Variants in SKAP1 observed in about 807,000 individuals in gnomAD.
SKAP1 encodes src kinase associated phosphoprotein 1.
A neutral mutation model predicts 58.5 loss-of-function variants in SKAP1; 44 were observed. That is an observed-to-expected ratio of 0.75 (90% CI 0.59 to 0.97). The LOEUF is 0.97. Ranked by LOEUF, SKAP1 falls within the 50% of genes least tolerant of loss-of-function variation. SKAP1 has a pLI of 0.00. For synonymous variants in SKAP1, 127 were observed against 149.7 expected, an observed-to-expected ratio of 0.85 and a Z score of 1.11; for missense variants, 390 against 435.2, an observed-to-expected ratio of 0.90 and a Z score of 0.92.
chr17:48,371,514 C>G (rs976588681), intron 2 of SKAP1, among the ~76,000 whole-genome samples: 2 of 151,580 alleles, frequency 1.3e-5, no homozygotes, highest in Admixed American at 6.6e-5. Flanking sequence ...CTGTAGCTAT[C>G]CTCATATTAT....
intron 4 of SKAP1, chr17:48,193,534 A>G (rs1386668327): frequency 5.5e-6 from 1 of 181,172 alleles, no homozygotes; most frequent in Non-Finnish European, 1.1e-5. Context: ...CTGTGTGGTG[A>G]GTTCAATAAC....
At chr17:48,431,617 T>C (rs1308264029), upstream of SKAP1, among the ~76,000 whole-genome samples, 4 of 152,130 alleles carry the variant, frequency 2.6e-5, no homozygotes, top group Non-Finnish European at 4.4e-5. Context: ...TGGGGAGCCA[T>C]TGACAATTTT....
intron 4 of SKAP1, among the ~76,000 whole-genome samples, chr17:48,325,038 G>A (rs1222358731): frequency 6.6e-6 from 1 of 152,000 alleles, no homozygotes; most frequent in Admixed American, 6.6e-5. Context: ...CACGAGGTCA[G>A]GAGATCGAGA....
chr17:48,382,628 A>T (rs1037935920), intron 2 of SKAP1: 1 of 152,234 alleles, frequency 6.6e-6, no homozygotes, highest in African/African-American at 2.4e-5. Flanking sequence ...CGAACCTCTA[A>T]AGTCCTCATT....
chr17:48,280,016 T>C (rs1204302006), intron 4 of SKAP1, among the ~76,000 whole-genome samples: 1 of 152,084 alleles, frequency 6.6e-6, no homozygotes. Context: ...TTATTTCTCA[T>C]GGAAAGAACT....
At chr17:48,255,727 C>T (rs2065415668) in intron 4 of SKAP1, among the ~76,000 whole-genome samples, 1 of 152,024 alleles carries the variant, frequency 6.6e-6, no homozygotes, top group African/African-American at 2.4e-5. Context: ...AAAATCTACA[C>T]CTAAGAGCTA....
intron 10 of SKAP1, among the ~76,000 whole-genome samples, chr17:48,166,158 G>T (rs1473989392): frequency 6.6e-6 from 1 of 152,102 alleles, no homozygotes; most frequent in East Asian, 1.9e-4. Flanking sequence ...CATTTAAATT[G>T]CTAGCAGAGC....
chr17:48,385,506 A>C lies in SKAP1; in HGVS notation c.152+11174T>G, dbSNP rs140691970. Among the ~76,000 whole-genome samples, 567 of 152,294 alleles carry C rather than the reference A, an allele frequency of 3.7e-3. 3 individuals are homozygous for C. Among genetic ancestry groups the C allele is most frequent in the Middle Eastern group, 0.027 (8 of 292 alleles). ...CTACATCAAGAATGGAGTGAAGATAACAACTATGAGCCAATGCTTCAGTCC... is the reference window on the plus strand; with the variant it reads ...CTACATCAAGAATGGAGTGAAGATACCAACTATGAGCCAATGCTTCAGTCC... On this transcript the variant is annotated intron_variant, in intron 2 of 12. Coordinates refer to ENST00000336915, the MANE Select transcript of SKAP1 (RefSeq NM_003726.4).
the SKAP1 span, among the ~76,000 whole-genome samples, chr17:48,444,462 C>G: frequency 1.2e-3 from 186 of 152,320 alleles, 1 homozygote; most frequent in East Asian, 4.6e-3. Context: ...AACTTTAATT[C>G]AAATATGTGT....
intron 4 of SKAP1, among the ~76,000 whole-genome samples, chr17:48,215,231 AGAAGGGTAGCT>A (rs1202533407): frequency 1.3e-5 from 2 of 152,192 alleles, no homozygotes; most frequent in Non-Finnish European, 2.9e-5. Context: ...TGCCCTCTGA[AGAAGGGTAGCT>A]GAAGGGTAGG....
At chr17:48,409,840 C>T (rs1041607111) in intron 1 of SKAP1, among the ~76,000 whole-genome samples, 1 of 152,044 alleles carries the variant, frequency 6.6e-6, no homozygotes, top group Non-Finnish European at 1.5e-5. Context: ...ACCTATAGAA[C>T]TTTAAAACAC....
chr17:48,261,263 G>T (rs1405947791), intron 4 of SKAP1, among the ~76,000 whole-genome samples: 1 of 152,088 alleles, frequency 6.6e-6, no homozygotes, highest in Non-Finnish European at 1.5e-5. Flanking sequence ...TAATGCTGTG[G>T]ACAGTAAAGA....
At chr17:48,405,564 G>A (rs563964465) in intron 1 of SKAP1, among the ~76,000 whole-genome samples, 3 of 146,526 alleles carry the variant, frequency 2.0e-5, no homozygotes, top group African/African-American at 2.5e-5. Context: ...GTCCAATGGC[G>A]CTATCTCGGC....
At chr17:48,178,863 G>A (rs1377844295) in intron 9 of SKAP1, among the ~76,000 whole-genome samples, 1 of 152,128 alleles carries the variant, frequency 6.6e-6, no homozygotes, top group African/African-American at 2.4e-5. Context: ...AGTCGGGACT[G>A]GTAGAGGCTG....
intron 11 of SKAP1, among the ~76,000 whole-genome samples, chr17:48,141,715 T>C (rs868512528): frequency 6.6e-6 from 1 of 152,188 alleles, no homozygotes; most frequent in Non-Finnish European, 1.5e-5. Context: ...AGGCCCTGCA[T>C]GACCCAGTCC....
At chr17:48,361,099 C>CTATACTATAT (rs1555619419) in intron 3 of SKAP1, among the ~76,000 whole-genome samples, 11 of 151,570 alleles carry the variant, frequency 7.3e-5, no homozygotes, top group African/African-American at 1.9e-4. Context: ...CTATACTATA[C>CTATACTATAT]TATACTATAC....
intron 4 of SKAP1, among the ~76,000 whole-genome samples, chr17:48,231,113 G>GTACACAGTGGTT (rs2065121147): frequency 6.6e-6 from 1 of 152,102 alleles, no homozygotes; most frequent in Admixed American, 6.5e-5. Flanking sequence ...TCAAGTTAGT[G>GTACACAGTGGTT]TACACAGTGG....
chr17:48,201,887 T>G (rs1055903033), intron 4 of SKAP1, among the ~76,000 whole-genome samples: 3 of 152,258 alleles, frequency 2.0e-5, no homozygotes, highest in African/African-American at 7.2e-5. Flanking sequence ...CTATAGACTT[T>G]GAGTGGCTGA....
At chr17:48,434,900 A>G (rs1598698793), upstream of SKAP1, among the ~76,000 whole-genome samples, 2 of 152,100 alleles carry the variant, frequency 1.3e-5, no homozygotes, top group East Asian at 3.9e-4. Context: ...AGGCAGGGGG[A>G]TCACTTGAGG....
Sources: allele counts gnomAD v4.1 joint callset (sites outside exome capture counted in the v4.1 genomes callset), GRCh38; gene constraint gnomAD v4.1.1; transcripts MANE v1.5; gene names NCBI Gene and HGNC (gene_info 2026-07-23, HGNC 2026-07-21).